GGA1: variants seen among roughly 807,000 people sequenced by gnomAD.
GGA1 encodes the protein golgi associated, gamma adaptin ear containing, ARF binding protein 1.
Under a neutral mutation model 76.9 loss-of-function variants are expected in GGA1, and 18 were observed. That is an observed-to-expected ratio of 0.23 (90% confidence interval 0.16 to 0.35). GGA1 has a LOEUF of 0.35. Ranked by LOEUF, GGA1 falls within the 10% of genes least tolerant of loss-of-function variation. The probability of loss-of-function intolerance (pLI) is 1.00; values close to 1 mark genes in which losing one functional copy is unlikely to be tolerated. For synonymous variants in GGA1, 342 were observed against 354.7 expected, an observed-to-expected ratio of 0.96 and a Z score of 0.40; for missense variants, 755 against 859.0, an observed-to-expected ratio of 0.88 and a Z score of 1.51.
intron 7 of GGA1, among the ~76,000 whole-genome samples, chr22:37,622,867 C>T (rs970553909): frequency 6.6e-6 from 1 of 152,226 alleles, no homozygotes; most frequent in Non-Finnish European, 1.5e-5. Flanking sequence ...CGGGCTCCCC[C>T]ATCTGCCAGG....
At chr22:37,619,076 A>AT (rs552375414) in intron 4 of GGA1, among the ~76,000 whole-genome samples, 108 of 151,912 alleles carry the variant, frequency 7.1e-4, no homozygotes, top group African/African-American at 2.5e-3. Context: ...CTTTTTCTTT[A>AT]TTTTTTTGAG....
chr22:37,610,273 C>T (rs1927261355), intron 1 of GGA1: 1 of 152,210 alleles, frequency 6.6e-6, no homozygotes. Context: ...TCCTTTCCTT[C>T]CCCCTTTGTG....
In GGA1 at chr22:37,632,083, A is replaced by C; in HGVS notation, c.1616A>C (p.Asp539Ala). 1 of 1,613,710 alleles carries C rather than the reference A, an allele frequency of 6.2e-7. No homozygotes were observed. The highest frequency in any genetic ancestry group is 8.5e-7 in the Non-Finnish European group (1 of 1,179,924). Residue 539 changes from aspartate to alanine, a missense_variant, in exon 15 of 17, where the codon GAC (aspartate) becomes GCC (alanine). By Grantham distance (126) the Asp-to-Ala change is moderately radical. Transcript: ENST00000343632. This position sits in a 1 kb window ranked among gnomAD's most constrained non-coding sequence, Gnocchi z 5.1. Reference protein sequence around the residue: ...FARDPLPGRSDVLVVVVSMLS... With the variant: ...FARDPLPGRSAVLVVVVSMLS... ...CGGGACCCACTGCCAGGGCGCTCCG[A>C]CGTGCTGGTGGTGGTGGTTTCCATG...
intron 1 of GGA1, among the ~76,000 whole-genome samples, chr22:37,611,600 C>T (rs1927596242): frequency 6.6e-6 from 1 of 152,218 alleles, no homozygotes; most frequent in South Asian, 2.1e-4. Flanking sequence ...CACTGGGATT[C>T]CAGGGCTTTG....
Position 37,616,936 on chromosome 22 carries a change from C to T in GGA1, c.143C>T (p.Thr48Ile). The T allele has an allele frequency of 1.2e-6, 2 of 1,607,104 alleles. No homozygotes were observed. The highest frequency in any genetic ancestry group is 1.7e-6 in the Non-Finnish European group (2 of 1,176,992). ...CTCCCACCCAGGCCTCCACTCGCCA[C>T]CCGGCTGCTGGCCCACAAGATCCAG... ...NEDFEGPPLA[T>I]RLLAHKIQSP... Residue 48 changes from threonine to isoleucine, a missense_variant, in exon 3 of 17, where the codon ACC (threonine) becomes ATC (isoleucine). Physicochemically the swap from Thr to Ile is moderately conservative, Grantham distance 89 (BLOSUM62 -1). Coordinates refer to ENST00000343632, the MANE Select transcript of GGA1 (RefSeq NM_013365.5).
chr22:37,609,391 G>A, intron 1 of GGA1: 2 of 1,004,564 alleles, frequency 2.0e-6, no homozygotes, highest in Non-Finnish European at 2.5e-6. Flanking sequence ...CCCCGTCCTG[G>A]AAGGGAGGAC....
At chr22:37,620,073 G>T in intron 4 of GGA1, 165 bp from the exon 5 acceptor site, 1 of 709,420 alleles carries the variant, frequency 1.4e-6, no homozygotes, top group Admixed American at 2.3e-5. Flanking sequence ...AGGGGTAGTA[G>T]GTGAACTCAG....
chr22:37,625,212 C>T lies in GGA1; in HGVS notation c.940+136C>T, dbSNP rs1225810756. 4 of 751,552 alleles carry T rather than the reference C, an allele frequency of 5.3e-6. No individual in the cohort carries two copies. Among genetic ancestry groups the T allele is most frequent in the Admixed American group, 2.4e-5 (1 of 41,646 alleles). 46.6% of individuals were successfully genotyped at this position (751,552 alleles called of 1,614,324 possible). ...CTGGCCCCTTAAGATGGGGAAGGCC[C>T]CAGGGAGGGAGCTGGGGGTGAAGTC... On this transcript the variant is annotated intron_variant, in intron 10 of 16. Transcript: ENST00000343632. The surrounding 1 kb of genome is among the most constrained non-coding windows in gnomAD (Gnocchi z 4.1).
rs1387520892 is a variant in GGA1, at chr22:37,631,226, G to T, written c.1528+127G>T. On this transcript the variant is annotated intron_variant, in intron 14 of 16. Transcript: ENST00000343632. ...TCTGCCACTGGCCAACCAGAGGGGA[G>T]CTCTGAACAAGGCCCTCCCCTTCCC... 5.7e-6 allele frequency: 4 copies of T among 699,158 alleles called. No individual in the cohort carries two copies. In the South Asian group the frequency reaches 6.1e-5, roughly 11 times the overall value. The allele number at this position is 699,158 out of a possible 1,614,324, so 43.3% of individuals were successfully genotyped here.
In GGA1 at chr22:37,620,714, C is replaced by T; in HGVS notation, c.428-99C>T. 4 of 797,190 alleles carry T rather than the reference C, an allele frequency of 5.0e-6. No individual in the cohort carries two copies. In the Admixed American group the frequency reaches 7.0e-5, roughly 14 times the overall value. 49.4% of individuals were successfully genotyped at this position (797,190 alleles called of 1,614,324 possible). ...CAGCGTGCTGGCAAAAGACTGACCT[C>T]CCTCTTCTGTCCTACCCTTGCCTGC... On this transcript the variant is annotated intron_variant, in intron 5 of 16. Transcript: ENST00000343632.
At chr22:37,621,418 G>A (rs1454024930) in intron 6 of GGA1, among the ~76,000 whole-genome samples, 198 bp from the exon 7 acceptor site, 4 of 152,206 alleles carry the variant, frequency 2.6e-5, no homozygotes, top group Non-Finnish European at 5.9e-5. Flanking sequence ...AGGCGCTGTG[G>A]TGTGCACTTT....
At chr22:37,611,458 TTTG>T (rs1157061426) in intron 1 of GGA1, among the ~76,000 whole-genome samples, 1 of 152,004 alleles carries the variant, frequency 6.6e-6, no homozygotes, top group Non-Finnish European at 1.5e-5. Context: ...GTACACGGGG[TTTG>T]TTAATCTGAG....
chr22:37,620,411 C>G (rs1211678051), intron 5 of GGA1, 50 bp downstream of exon 5: 4 of 1,603,688 alleles, frequency 2.5e-6, no homozygotes, highest in African/African-American at 1.3e-5. Context: ...TTCCCCTCCC[C>G]CACCATGAGC....
At chr22:37,622,350 G>C (rs1465258536) in intron 7 of GGA1, among the ~76,000 whole-genome samples, 1 of 151,342 alleles carries the variant, frequency 6.6e-6, no homozygotes, top group Non-Finnish European at 1.5e-5. Context: ...CAAAGTGCTG[G>C]GATTACAGGC....
chr22:37,626,619 C>G (rs1240273356), intron 11 of GGA1: 2 of 152,296 alleles, frequency 1.3e-5, no homozygotes, highest in Admixed American at 6.5e-5. Flanking sequence ...AGGGCCACAT[C>G]AAAGGAATCC....
intron 1 of GGA1, among the ~76,000 whole-genome samples, chr22:37,612,036 C>T (rs997952635): frequency 6.6e-6 from 1 of 152,100 alleles, no homozygotes; most frequent in Admixed American, 6.6e-5. Flanking sequence ...CGCCTGTGAT[C>T]CCAGCTACTC....
At chr22:37,629,282 G>A (rs761562608) in intron 11 of GGA1, among the ~76,000 whole-genome samples, 180 bp from the exon 12 acceptor site, 3 of 152,176 alleles carry the variant, frequency 2.0e-5, no homozygotes, top group Admixed American at 6.5e-5. Flanking sequence ...AGGGGTTGCC[G>A]GGATCTTGGT....
At chr22:37,611,305 A>G (rs1048247157) in intron 1 of GGA1, among the ~76,000 whole-genome samples, 1 of 152,046 alleles carries the variant, frequency 6.6e-6, no homozygotes, top group African/African-American at 2.4e-5. Flanking sequence ...ATCTCAGCTC[A>G]GCTCTGAGAG....
In GGA1 at chr22:37,632,774, C is replaced by A. The variant is rs1932054130; in HGVS notation, c.*63C>A. 1.0e-6 allele frequency: 1 copy of A among 989,240 alleles called. No homozygotes were observed. Among genetic ancestry groups the A allele is most frequent in the Non-Finnish European group, 1.6e-6 (1 of 635,102 alleles). The allele number at this position is 989,240 out of a possible 1,614,324, so 61.3% of individuals were successfully genotyped here. A position where few individuals can be genotyped will look rare whatever the true frequency, so the allele number is the denominator to read the frequency against. ...GGTCACTGTCCAGCCTGGAGGGAGGCATTGGTGGCCAAGGACACCCTTTGT... is the reference window on the plus strand; with the variant it reads ...GGTCACTGTCCAGCCTGGAGGGAGGAATTGGTGGCCAAGGACACCCTTTGT... On this transcript the variant is annotated 3_prime_UTR_variant, in exon 17 of 17. Coordinates refer to ENST00000343632, the MANE Select transcript of GGA1 (RefSeq NM_013365.5). This position sits in a 1 kb window ranked among gnomAD's most constrained non-coding sequence, Gnocchi z 5.1.
Sources: allele counts gnomAD v4.1 joint callset (sites outside exome capture counted in the v4.1 genomes callset), GRCh38; gene constraint gnomAD v4.1.1; non-coding constraint Gnocchi (gnomAD v3.1); transcripts MANE v1.5; gene names NCBI Gene and HGNC (gene_info 2026-07-23, HGNC 2026-07-21).